Variants in AFG2A observed in about 807,000 individuals in gnomAD.
AFG2A encodes AAA ATPase AFG2A, also known as ATPase family gene 2 protein homolog A.
chr4:122,943,248 C>T, the AFG2A span, among the ~76,000 whole-genome samples: 1 of 152,112 alleles, frequency 6.6e-6, no homozygotes, highest in African/African-American at 2.4e-5. Flanking sequence ...GAAAGTCTCC[C>T]ATTATTATTG....
chr4:122,983,208 A>T, the AFG2A span, among the ~76,000 whole-genome samples: 2 of 151,890 alleles, frequency 1.3e-5, no homozygotes, highest in Non-Finnish European at 2.9e-5. Context: ...CTAGGCAAAG[A>T]TTTGTCAATT....
chr4:123,085,202 G>A, the AFG2A span, among the ~76,000 whole-genome samples: 1 of 152,138 alleles, frequency 6.6e-6, no homozygotes, highest in Non-Finnish European at 1.5e-5. Context: ...ATGAATTAGT[G>A]TGTAGATATA....
chr4:123,041,320 A>G, the AFG2A span, among the ~76,000 whole-genome samples: 1 of 133,464 alleles, frequency 7.5e-6, no homozygotes, highest in African/African-American at 2.8e-5. Flanking sequence ...ACGGGGTTTC[A>G]CCGTGTTAGC....
the AFG2A span, among the ~76,000 whole-genome samples, chr4:122,989,834 A>G: frequency 6.6e-6 from 1 of 152,072 alleles, no homozygotes; most frequent in Non-Finnish European, 1.5e-5. Flanking sequence ...TTTACTTCCT[A>G]GATTCTTCAA....
chr4:123,160,018 TTTGTTG>T, the AFG2A span, among the ~76,000 whole-genome samples: 13 of 151,672 alleles, frequency 8.6e-5, no homozygotes, highest in South Asian at 2.1e-4. Flanking sequence ...ATCTTGTCTT[TTTGTTG>T]TTGTTGTTGT....
the AFG2A span, among the ~76,000 whole-genome samples, chr4:123,198,992 G>A: frequency 6.6e-6 from 1 of 152,172 alleles, no homozygotes; most frequent in Non-Finnish European, 1.5e-5. Context: ...CAATAGTACT[G>A]GTGATGCTGT....
At chr4:123,247,033 A>G in the AFG2A span, among the ~76,000 whole-genome samples, 1 of 152,154 alleles carries the variant, frequency 6.6e-6, no homozygotes, top group Non-Finnish European at 1.5e-5. Flanking sequence ...ACCCATTTGT[A>G]ATAACTTAAT....
At chr4:123,234,404 C>A in the AFG2A span, among the ~76,000 whole-genome samples, 1 of 152,032 alleles carries the variant, frequency 6.6e-6, no homozygotes, top group African/African-American at 2.4e-5. Context: ...GTGAGGATTG[C>A]ACTAATTACC....
At chr4:123,123,948 T>C in the AFG2A span, among the ~76,000 whole-genome samples, 1 of 75,210 alleles carries the variant, frequency 1.3e-5, no homozygotes, top group Non-Finnish European at 2.3e-5. Flanking sequence ...TGAAACTCCG[T>C]CTCAAAAAAA....
the AFG2A span, among the ~76,000 whole-genome samples, chr4:123,215,304 C>T: frequency 6.6e-6 from 1 of 152,020 alleles, no homozygotes; most frequent in South Asian, 2.1e-4. Flanking sequence ...AAGTTACCTG[C>T]TAATGCTAAT....
the AFG2A span, among the ~76,000 whole-genome samples, chr4:123,026,117 G>A: frequency 3.3e-5 from 5 of 151,302 alleles, no homozygotes; most frequent in Non-Finnish European, 7.4e-5. Flanking sequence ...GTGTGTGTGT[G>A]TGTGTGTGTG....
At chr4:123,024,512 T>C in the AFG2A span, among the ~76,000 whole-genome samples, 1 of 152,070 alleles carries the variant, frequency 6.6e-6, no homozygotes, top group Non-Finnish European at 1.5e-5. Flanking sequence ...CTCCTCGGAG[T>C]CTGAGTCTTG....
the AFG2A span, among the ~76,000 whole-genome samples, chr4:123,029,268 G>A: frequency 5.3e-3 from 802 of 152,168 alleles, 7 homozygotes; most frequent in African/African-American, 0.018. Flanking sequence ...TGTATTTTTA[G>A]TAGAGACAGG....
At chr4:123,243,037 C>T in the AFG2A span, among the ~76,000 whole-genome samples, 17 of 152,302 alleles carry the variant, frequency 1.1e-4, no homozygotes, top group African/African-American at 3.8e-4. Context: ...CAAATCAAAA[C>T]CACAATGAGA....
chr4:123,025,874 A>C, the AFG2A span, among the ~76,000 whole-genome samples: 124,120 of 152,124 alleles, frequency 0.82, 52,242 homozygotes, highest in East Asian at 0.96. Flanking sequence ...ACATTTAAAA[A>C]TATTAAAGCA....
chr4:123,257,096 G>A, the AFG2A span, among the ~76,000 whole-genome samples: 1 of 152,066 alleles, frequency 6.6e-6, no homozygotes, highest in Non-Finnish European at 1.5e-5. Flanking sequence ...TGTAAACACC[G>A]AAGAGATTAC....
the AFG2A span, among the ~76,000 whole-genome samples, chr4:122,938,594 A>T: frequency 6.6e-6 from 1 of 152,054 alleles, no homozygotes; most frequent in Non-Finnish European, 1.5e-5. Context: ...ATTTTTATTT[A>T]TTATTATTGT....
chr4:123,112,491 T>G, the AFG2A span, among the ~76,000 whole-genome samples: 3 of 152,322 alleles, frequency 2.0e-5, no homozygotes, highest in East Asian at 5.8e-4. Flanking sequence ...ATGTGATTTC[T>G]TTTATAGTCA....
At chr4:123,251,888 A>C in the AFG2A span, among the ~76,000 whole-genome samples, 1 of 152,212 alleles carries the variant, frequency 6.6e-6, no homozygotes, top group Non-Finnish European at 1.5e-5. Context: ...TTGCCAGCTA[A>C]TTTGTACGTA....
Sources: gnomAD v4.1 joint callset for allele counts (sites outside exome capture counted in the v4.1 genomes callset) on GRCh38, gnomAD v4.1.1 for gene constraint, MANE v1.5 for transcripts, NCBI Gene and HGNC (gene_info 2026-07-23, HGNC 2026-07-21) for gene names.